Variants in DTNA observed in about 807,000 individuals in gnomAD.
The protein encoded by DTNA is dystrophin-related protein 3.
Under a neutral mutation model 100.7 loss-of-function variants are expected in DTNA, and 43 were observed. The observed-to-expected ratio is 0.43, with a 90% confidence interval of 0.33 to 0.55. DTNA has a LOEUF of 0.55. Ranked by LOEUF, DTNA falls within the 20% of genes least tolerant of loss-of-function variation. DTNA has a pLI of 0.04. For synonymous variants in DTNA, 349 were observed against 347.9 expected (o/e 1.00, Z -0.04); for missense variants, 798 against 953.9 (o/e 0.84, Z 2.15).
At chr18:34,790,469 A>T (rs1413487007) in intron 3 of DTNA, among the ~76,000 whole-genome samples, 1 of 145,364 alleles carries the variant, frequency 6.9e-6, no homozygotes, top group Non-Finnish European at 1.5e-5. Flanking sequence ...AGATGAAAAA[A>T]GAAAAGAAAG....
intron 1 of DTNA, among the ~76,000 whole-genome samples, chr18:34,734,170 G>A (rs1293905173): frequency 6.6e-6 from 1 of 152,156 alleles, no homozygotes; most frequent in Non-Finnish European, 1.5e-5. Flanking sequence ...GAGGTATTGA[G>A]GGTGGCTCCT....
intron 17 of DTNA, 77 bp downstream of exon 17, chr18:34,864,139 G>C: frequency 9.9e-6 from 13 of 1,312,916 alleles, no homozygotes; most frequent in Non-Finnish European, 1.3e-5. Flanking sequence ...AATGTGCAAT[G>C]GTTTTTCCAA....
At chr18:34,813,221 A>G (rs573470389) in intron 6 of DTNA, among the ~76,000 whole-genome samples, 8 of 152,228 alleles carry the variant, frequency 5.3e-5, no homozygotes, top group African/African-American at 1.7e-4. Context: ...CACTCCTATA[A>G]TCCCAGGACT....
chr18:34,632,737 C>G (rs2058222257), intron 1 of DTNA, among the ~76,000 whole-genome samples: 1 of 152,250 alleles, frequency 6.6e-6, no homozygotes, highest in South Asian at 2.1e-4. Context: ...AATTTTAATT[C>G]ACTAAAGATT....
At chr18:34,641,725 C>T (rs1222673354) in intron 1 of DTNA, among the ~76,000 whole-genome samples, 4 of 152,126 alleles carry the variant, frequency 2.6e-5, no homozygotes, top group Non-Finnish European at 5.9e-5. Context: ...ATAAACAGAG[C>T]TGGGGAATTC....
At position 34,825,269 on chromosome 18, in the gene DTNA, A is replaced by T. The variant is rs1487728774; in HGVS notation, c.1002-2324A>T. On this transcript the variant is annotated intron_variant, in intron 9 of 22. Coordinates refer to ENST00000444659, the MANE Select transcript of DTNA (RefSeq NM_001386795.1). ...GTTCAATTCTTCGCTGCCAAAAGTG[A>T]TACTTGGTAAGTAGTGCAGTCATTT... 6.2e-7 allele frequency: 1 copy of T among 1,613,418 alleles called. No individual in the cohort carries two copies. Among genetic ancestry groups the T allele is most frequent in the Admixed American group, 1.7e-5 (1 of 60,034 alleles).
Position 34,696,434 on chromosome 18 carries a change from T to C in DTNA, c.-1-59542T>C, listed in dbSNP as rs375816120. Among the ~76,000 whole-genome samples, 3 of 152,014 alleles carry C rather than the reference T, an allele frequency of 2.0e-5. No homozygotes were observed. In the South Asian group the frequency reaches 6.2e-4, roughly 32 times the overall value. ...CTCTACTAAAAATACAAAAATTAGC[T>C]GGGCCTGGTGGCACATGCCTGTAGT... On this transcript the variant is annotated intron_variant, in intron 1 of 19. Coordinates refer to the DTNA transcript ENST00000283365.
chr18:34,526,464 T>C (rs2042626919), intron 1 of DTNA, among the ~76,000 whole-genome samples: 1 of 152,164 alleles, frequency 6.6e-6, no homozygotes, highest in Non-Finnish European at 1.5e-5. Context: ...ATGGTACCTC[T>C]ATCAAGGGTT....
intron 1 of DTNA, among the ~76,000 whole-genome samples, chr18:34,625,320 C>T (rs1297795848): frequency 9.9e-5 from 15 of 152,184 alleles, no homozygotes; most frequent in Admixed American, 7.2e-4. Flanking sequence ...TGAGCCACCA[C>T]GCCTGGCCCA....
intron 2 of DTNA, chr18:34,759,933 C>T (rs953342642): frequency 6.6e-6 from 1 of 152,308 alleles, no homozygotes; most frequent in South Asian, 2.1e-4. Flanking sequence ...AAACACCCAC[C>T]TTGGCCTCCC....
intron 14 of DTNA, among the ~76,000 whole-genome samples, chr18:34,851,544 C>G (rs1238797622): frequency 6.6e-6 from 1 of 152,188 alleles, no homozygotes; most frequent in African/African-American, 2.4e-5. Context: ...AATAAAATCA[C>G]TTCCCAAAGA....
At position 34,499,844 on chromosome 18, in the gene DTNA, C is replaced by T. The variant is rs1601136232; in HGVS notation, c.-2+6330C>T. Among the ~76,000 whole-genome samples the T allele has an allele frequency of 2.6e-5, 4 of 151,888 alleles. No homozygotes were observed. In the East Asian group the frequency reaches 5.8e-4, roughly 22 times the overall value. ...TTTTTTATGCTATGTTTTGAGAATT[C>T]TTTATATATTCTCAATAATTGTTCT... On this transcript the variant is annotated intron_variant, in intron 1 of 19. Coordinates refer to the DTNA transcript ENST00000283365.
chr18:34,874,450 T>C (rs1470924877), intron 17 of DTNA, among the ~76,000 whole-genome samples: 2 of 152,224 alleles, frequency 1.3e-5, no homozygotes, highest in Non-Finnish European at 2.9e-5. Flanking sequence ...AGTGTGACAG[T>C]CTCAGAATAG....
In DTNA at chr18:34,783,904, C is replaced by T. The variant is rs549195001; in HGVS notation, c.149-10133C>T. Among the ~76,000 whole-genome samples the T allele has an allele frequency of 8.6e-4, 131 of 152,280 alleles. 2 individuals are homozygous for T. Among genetic ancestry groups the T allele is most frequent in the African/African-American group, 3.1e-3 (130 of 41,564 alleles). On this transcript the variant is annotated intron_variant, in intron 3 of 22. Transcript: ENST00000444659. ...GCTCTTAACAACTAGGTAATTTGCACCTGGCTTTCTTGGCCACAGTGCTCC... is the reference window on the plus strand; with the variant it reads ...GCTCTTAACAACTAGGTAATTTGCATCTGGCTTTCTTGGCCACAGTGCTCC...
intron 1 of DTNA, among the ~76,000 whole-genome samples, chr18:34,663,887 A>G (rs1214209982): frequency 6.6e-6 from 1 of 152,204 alleles, no homozygotes; most frequent in African/African-American, 2.4e-5. Context: ...CATTTGGAAG[A>G]TCTGCTTTAC....
At chr18:34,555,354 GT>G (rs938300955) in intron 1 of DTNA, among the ~76,000 whole-genome samples, 401 of 150,134 alleles carry the variant, frequency 2.7e-3, no homozygotes, top group Non-Finnish European at 4.1e-3. Flanking sequence ...TTTTTGAAAG[GT>G]TTTTTGTGTC....
intron 1 of DTNA, among the ~76,000 whole-genome samples, chr18:34,581,858 G>A (rs1406242384): frequency 3.3e-5 from 5 of 151,904 alleles, no homozygotes; most frequent in Non-Finnish European, 7.4e-5. Flanking sequence ...TCTTGACCTC[G>A]TGATCCGCCC....
intron 5 of DTNA, among the ~76,000 whole-genome samples, chr18:34,807,470 C>A (rs1381975665): frequency 1.3e-5 from 2 of 152,184 alleles, no homozygotes; most frequent in Non-Finnish European, 2.9e-5. Flanking sequence ...GGCTCACCTG[C>A]TGCCTGTCCT....
rs145522413 is a variant in DTNA, at chr18:34,645,369, C to G, written c.-1-110607C>G. ...TTTTGTATGGGTTTTTGAGCCTGTT[C>G]ATGAAGTTGGCAAAAGCTGAGAATG... On this transcript the variant is annotated intron_variant, in intron 1 of 19. Transcript: ENST00000283365. Among the ~76,000 whole-genome samples the G allele has an allele frequency of 4.1e-3, 625 of 152,168 alleles. 7 individuals are homozygous for G. Among genetic ancestry groups the G allele is most frequent in the Non-Finnish European group, 6.9e-3 (470 of 67,964 alleles).
Sources: gnomAD v4.1 joint callset for allele counts (sites outside exome capture counted in the v4.1 genomes callset) on GRCh38, gnomAD v4.1.1 for gene constraint, MANE v1.5 for transcripts, NCBI Gene and HGNC (gene_info 2026-07-23, HGNC 2026-07-21) for gene names.